AZIN2: variants seen among roughly 807,000 people sequenced by gnomAD.
AZIN2 encodes ODC antizyme inhibitor-2.
A neutral mutation model predicts 47.8 loss-of-function variants in AZIN2; 28 were observed. That is an observed-to-expected ratio of 0.59 (90% CI 0.43 to 0.80). The LOEUF (loss-of-function observed/expected upper bound fraction) is 0.80. Among genes scored for constraint, AZIN2 ranks in the 30% least tolerant of loss-of-function variants. The pLI, the probability that AZIN2 is intolerant of heterozygous loss-of-function variation, is 0.00. For synonymous variants in AZIN2, 221 were observed against 239.4 expected, an observed-to-expected ratio of 0.92 and a Z score of 0.71; for missense variants, 535 against 582.5, an observed-to-expected ratio of 0.92 and a Z score of 0.84.
At chr1:33,125,621 T>G (rs1644851069), downstream of AZIN2, among the ~76,000 whole-genome samples, 1 of 152,200 alleles carries the variant, frequency 6.6e-6, no homozygotes, top group Non-Finnish European at 1.5e-5. Context: ...TGTGGTCATA[T>G]TTTACAGGGA....
At chr1:33,111,408 G>A (rs529920704) in intron 10 of AZIN2, among the ~76,000 whole-genome samples, 4 of 152,198 alleles carry the variant, frequency 2.6e-5, no homozygotes, top group South Asian at 4.1e-4. Flanking sequence ...TGAATGCCAC[G>A]TTGAGATGTT....
At chr1:33,114,505 C>G (rs1477457447) in intron 10 of AZIN2, among the ~76,000 whole-genome samples, 3 of 151,688 alleles carry the variant, frequency 2.0e-5, no homozygotes, top group Non-Finnish European at 2.9e-5. Flanking sequence ...AGGCGCCCGC[C>G]ACCATGCCCG....
intron 11 of AZIN2, chr1:33,118,650 T>C: frequency 6.5e-6 from 1 of 153,094 alleles, no homozygotes; most frequent in East Asian, 1.9e-4. Flanking sequence ...CCCTAGTTCC[T>C]GTATAGACTG....
At chr1:33,165,740 C>T in the AZIN2 span, 1 of 458,200 alleles carries the variant, frequency 2.2e-6, no homozygotes, top group African/African-American at 2.0e-5. The surrounding 1 kb of genome is among the most constrained non-coding windows in gnomAD (Gnocchi z 4.0). Context: ...CTCCTAAACA[C>T]CTCCAGAACC....
At chr1:33,132,013 G>A in the AZIN2 span, among the ~76,000 whole-genome samples, 4 of 152,166 alleles carry the variant, frequency 2.6e-5, no homozygotes, top group Admixed American at 2.6e-4. Flanking sequence ...GGCTCGAGGG[G>A]CCTTCGCAGC....
intron 10 of AZIN2, among the ~76,000 whole-genome samples, chr1:33,101,288 C>T (rs1198065763): frequency 6.6e-6 from 1 of 152,208 alleles, no homozygotes; most frequent in East Asian, 1.9e-4. Flanking sequence ...ATTGTCCAGC[C>T]TCAGCCTCCC....
At chr1:33,136,691 C>G in the AZIN2 span, among the ~76,000 whole-genome samples, 4 of 151,634 alleles carry the variant, frequency 2.6e-5, no homozygotes, top group East Asian at 8.0e-4. Context: ...TTCCGGTTCC[C>G]CAACAACTGT....
chr1:33,082,689 G>A (rs554488716), intron 4 of AZIN2: 82 of 207,914 alleles, frequency 3.9e-4, no homozygotes, highest in Admixed American at 9.4e-4. Flanking sequence ...GTGGAACCTC[G>A]CTTTCTAGTT....
the AZIN2 span, among the ~76,000 whole-genome samples, chr1:33,148,282 T>A: frequency 1.3e-5 from 2 of 152,180 alleles, no homozygotes; most frequent in African/African-American, 2.4e-5. Context: ...GGATGAAAAA[T>A]CTTTTTTATA....
intron 5 of AZIN2, among the ~76,000 whole-genome samples, chr1:33,090,330 C>T (rs80353979): frequency 0.027 from 4,043 of 152,280 alleles, 191 homozygotes; most frequent in African/African-American, 0.092. Context: ...TGAATGAACA[C>T]AGTTGCTGTC....
At chr1:33,149,458 T>TAA in the AZIN2 span, among the ~76,000 whole-genome samples, 96 of 146,724 alleles carry the variant, frequency 6.5e-4, no homozygotes, top group African/African-American at 2.3e-3. Context: ...TGGATTCTTT[T>TAA]AAAAAAAAAA....
chr1:33,159,391 C>A, the AZIN2 span, among the ~76,000 whole-genome samples: 1 of 151,940 alleles, frequency 6.6e-6, no homozygotes, highest in South Asian at 2.1e-4. The surrounding 1 kb of genome is among the most constrained non-coding windows in gnomAD (Gnocchi z 4.2). Flanking sequence ...TCTTTATTCC[C>A]AGATCCTTTC....
At chr1:33,087,626 C>T (rs138945349) in intron 5 of AZIN2, among the ~76,000 whole-genome samples, 2,460 of 150,992 alleles carry the variant, frequency 0.016, 34 homozygotes, top group Non-Finnish European at 0.024. Context: ...TTAGTAGAGA[C>T]AGGGTTTTAC....
At chr1:33,128,580 C>T in the AZIN2 span, among the ~76,000 whole-genome samples, 1 of 152,134 alleles carries the variant, frequency 6.6e-6, no homozygotes, top group Non-Finnish European at 1.5e-5. Context: ...ACTATACCTG[C>T]CCCACCCTCT....
At chr1:33,154,939 A>C in the AZIN2 span, among the ~76,000 whole-genome samples, 1 of 150,876 alleles carries the variant, frequency 6.6e-6, no homozygotes, top group Non-Finnish European at 1.5e-5. Context: ...TAAAAATACA[A>C]AAAATTAGCC....
intron 9 of AZIN2, 191 bp from the exon 10 acceptor site, chr1:33,097,876 G>T: frequency 1.7e-6 from 1 of 592,940 alleles, no homozygotes. Flanking sequence ...GCAGGGGTGA[G>T]TGTTCCTAAC....
chr1:33,157,247 C>G, the AZIN2 span, among the ~76,000 whole-genome samples: 2 of 152,282 alleles, frequency 1.3e-5, no homozygotes, highest in East Asian at 1.9e-4. Context: ...CATCTCCCTC[C>G]AGCCACGTTA....
At chr1:33,087,289 A>T (rs1328845861) in intron 5 of AZIN2, among the ~76,000 whole-genome samples, 16 of 151,786 alleles carry the variant, frequency 1.1e-4, no homozygotes, top group African/African-American at 3.6e-4. Context: ...ATGTGCCACG[A>T]TGCCCGGCTA....
At chr1:33,148,361 A>G in the AZIN2 span, among the ~76,000 whole-genome samples, 8 of 152,250 alleles carry the variant, frequency 5.3e-5, no homozygotes, top group African/African-American at 1.9e-4. Flanking sequence ...GTTTTAATAT[A>G]TACTGAATAT....
Sources: allele counts gnomAD v4.1 joint callset (sites outside exome capture counted in the v4.1 genomes callset), GRCh38; gene constraint gnomAD v4.1.1; non-coding constraint Gnocchi (gnomAD v3.1); transcripts MANE v1.5; gene names NCBI Gene and HGNC (gene_info 2026-07-23, HGNC 2026-07-21).